Variants in MCF2L observed in about 807,000 individuals in gnomAD.
The protein encoded by MCF2L is MCF.2 cell line derived transforming sequence like, also known as guanine nucleotide exchange factor DBS.
Under a neutral mutation model 153.4 loss-of-function variants are expected in MCF2L, and 97 were observed. The ratio of observed to expected loss-of-function variants is 0.63; its 90% CI spans 0.54 to 0.75. The LOEUF (loss-of-function observed/expected upper bound fraction) is 0.75, where lower values mean the gene tolerates loss of function less well. Among genes scored for constraint, MCF2L ranks in the 30% least tolerant of loss-of-function variants. The pLI is 0.00. For synonymous variants in MCF2L, 659 were observed against 632.2 expected (o/e 1.04, Z -0.64); for missense variants, 1,347 against 1,495.2 (o/e 0.90, Z 1.64).
chr13:113,077,012 C>T (rs2033563320), intron 12 of MCF2L, 40 bp from the exon 13 acceptor site: 2 of 1,575,934 alleles, frequency 1.3e-6, no homozygotes, highest in African/African-American at 1.4e-5. Context: ...AGTGATGACA[C>T]CAACATGTGC....
intron 2 of MCF2L, among the ~76,000 whole-genome samples, chr13:112,962,294 T>C (rs36145949): frequency 0.65 from 98,831 of 151,444 alleles, 32,520 homozygotes; most frequent in Non-Finnish European, 0.71. Context: ...CACACGCATG[T>C]ACACACACTC....
At chr13:113,096,335 C>T in intron 27 of MCF2L, 36 bp from the exon 28 acceptor site, 1 of 1,480,748 alleles carries the variant, frequency 6.8e-7, no homozygotes, top group Non-Finnish European at 9.2e-7. Flanking sequence ...GGGGCGGGTG[C>T]TGACGCTGTC....
rs531581867 is a variant in MCF2L at position 113,091,047 on chromosome 13, A to G, written c.2953+1319A>G. 2.4e-4 allele frequency: 316 copies of G among 1,296,200 alleles called. 2 individuals are homozygous for G. In the South Asian group the frequency reaches 3.8e-3, roughly 15 times the overall value. 80.3% of individuals were successfully genotyped at this position (1,296,200 alleles called of 1,614,324 possible). ...TCCCCTTCCAGCACGAGCGCGGGTC[A>G]GCCTCCTCGCCGCCTCCCTCCGTCC... On this transcript the variant is annotated intron_variant, in intron 26 of 29. Coordinates refer to ENST00000535094, the MANE Select transcript of MCF2L (RefSeq NM_001112732.3).
upstream of MCF2L, among the ~76,000 whole-genome samples, chr13:112,966,394 T>C (rs550240666): frequency 2.6e-5 from 4 of 152,258 alleles, no homozygotes; most frequent in African/African-American, 9.6e-5. This position sits in a 1 kb window ranked among gnomAD's most constrained non-coding sequence, Gnocchi z 4.1. Context: ...TCAGGGAACC[T>C]CTGTCTTTTT....
At chr13:113,095,518 G>C (rs1375096911) in intron 27 of MCF2L, 42 of 1,044,392 alleles carry the variant, frequency 4.0e-5, no homozygotes, top group Non-Finnish European at 4.6e-5. Flanking sequence ...TGTGGGGAGT[G>C]ATCCTGGCTA....
chr13:113,094,421 G>C lies in MCF2L; in HGVS notation c.2954-93G>C, dbSNP rs1204742536. 5.9e-6 allele frequency: 8 copies of C among 1,358,698 alleles called. No homozygotes were observed. The African/African-American group carries it at 8.8e-5, about 15-fold the overall frequency. 84.2% of individuals were successfully genotyped at this position (1,358,698 alleles called of 1,614,324 possible). A position where few individuals can be genotyped will look rare whatever the true frequency, so the allele number is the denominator to read the frequency against. On this transcript the variant is annotated intron_variant, in intron 26 of 29. Transcript: ENST00000535094. ...TTGGGGGCCCACGGCACACATTTCA[G>C]GGGGTCTGTGGGACTTAGCTGACCC...
intron 3 of MCF2L, among the ~76,000 whole-genome samples, chr13:113,026,238 C>T (rs80003864): frequency 0.032 from 1,258 of 38,988 alleles, no homozygotes; most frequent in East Asian, 0.15. Flanking sequence ...GCTGGGGTCC[C>T]CGTGACTGTG....
intron 1 of MCF2L, among the ~76,000 whole-genome samples, chr13:112,973,704 T>A (rs893317401): frequency 6.6e-6 from 1 of 152,130 alleles, no homozygotes; most frequent in Non-Finnish European, 1.5e-5. Flanking sequence ...GGGTTTCAGT[T>A]CCGGCCTGCT....
intron 16 of MCF2L, 84 bp downstream of exon 16, chr13:113,081,363 G>T (rs1408224383): frequency 7.6e-7 from 1 of 1,310,360 alleles, no homozygotes; most frequent in Non-Finnish European, 1.1e-6. Context: ...ACTGCTGCTC[G>T]GAGCAGCCTG....
intron 2 of MCF2L, among the ~76,000 whole-genome samples, chr13:112,940,697 T>C (rs1369781564): frequency 6.6e-6 from 1 of 152,262 alleles, no homozygotes; most frequent in Non-Finnish European, 1.5e-5. Flanking sequence ...ATCTTCTGTA[T>C]AGCTTTATGT....
chr13:113,044,832 G>C (rs765857841), intron 3 of MCF2L: 6 of 1,612,924 alleles, frequency 3.7e-6, no homozygotes, highest in Non-Finnish European at 5.1e-6. Flanking sequence ...ATGCCACCAC[G>C]AGTGAATCCT....
At chr13:112,937,785 AGC>A (rs2081529971) in intron 2 of MCF2L, among the ~76,000 whole-genome samples, 29 of 149,984 alleles carry the variant, frequency 1.9e-4, no homozygotes, top group Middle Eastern at 3.4e-3. Context: ...GGTTCAGGTG[AGC>A]ACTGATAAGT....
intron 26 of MCF2L, 41 bp from the exon 27 acceptor site, chr13:113,094,471 GCT>G (rs1338478121): frequency 4.4e-6 from 7 of 1,577,014 alleles, no homozygotes; most frequent in Non-Finnish European, 6.0e-6. Flanking sequence ...GCAGACAGCG[GCT>G]CATCACCGGG....
intron 2 of MCF2L, among the ~76,000 whole-genome samples, chr13:112,913,098 T>C (rs749694408): frequency 4.0e-5 from 6 of 151,422 alleles, no homozygotes; most frequent in Non-Finnish European, 8.8e-5. Flanking sequence ...GTGTGGTCTA[T>C]TTCTGTGTCT....
chr13:113,013,783 C>T (rs1379392816), intron 1 of MCF2L, among the ~76,000 whole-genome samples: 1 of 152,222 alleles, frequency 6.6e-6, no homozygotes, highest in Admixed American at 6.5e-5. Flanking sequence ...GGCCAGAAAT[C>T]GTGTCTGCTC....
At chr13:112,936,503 A>G (rs555926559) in intron 2 of MCF2L, among the ~76,000 whole-genome samples, 1 of 152,266 alleles carries the variant, frequency 6.6e-6, no homozygotes, top group African/African-American at 2.4e-5. Flanking sequence ...AATGCTGGTT[A>G]TTTGGGAAAA....
chr13:113,088,609 C>T lies in MCF2L; in HGVS notation c.2815C>T (p.Pro939Ser). 6.2e-7 allele frequency: 1 copy of T among 1,608,066 alleles called. No individual in the cohort carries two copies. The highest frequency in any genetic ancestry group is 8.5e-7 in the Non-Finnish European group (1 of 1,179,828). Residue 939 changes from proline (P) to serine (S), a missense_variant, in exon 25 of 30, where the codon CCG becomes TCG. By Grantham distance (74) the Pro-to-Ser change is moderately conservative (BLOSUM62 -1). Around this residue, in one of 3 missense-constraint regions of MCF2L, gnomAD observed 383 missense variants for 335.4 expected, o/e 1.14. Coordinates refer to ENST00000535094, the MANE Select transcript of MCF2L (RefSeq NM_001112732.3). The part of the protein sequence containing the change: ...ALEQSQSLPL[P>S]APTSTSPSRG... ...GGAGCAGTCACAGAGCCTGCCCCTG[C>T]CGGCCCCGACCAGCACCAGGTGAGA...
chr13:112,994,706 C>T (rs994721938), intron 1 of MCF2L, among the ~76,000 whole-genome samples: 4 of 152,174 alleles, frequency 2.6e-5, no homozygotes, highest in Non-Finnish European at 5.9e-5. Flanking sequence ...GAGGGTGGGG[C>T]ATCCTCCCGG....
At chr13:112,949,957 T>C (rs1001352926) in intron 2 of MCF2L, among the ~76,000 whole-genome samples, 3 of 150,542 alleles carry the variant, frequency 2.0e-5, no homozygotes, top group Non-Finnish European at 2.9e-5. Flanking sequence ...AAACAGTCTC[T>C]GGTTACAGAT....
Sources: gnomAD v4.1 joint callset for allele counts (sites outside exome capture counted in the v4.1 genomes callset) on GRCh38, gnomAD v4.1.1 for gene constraint, gnomAD v4.1.1 regional missense constraint, Gnocchi (gnomAD v3.1) non-coding constraint, MANE v1.5 for transcripts, NCBI Gene and HGNC (gene_info 2026-07-23, HGNC 2026-07-21) for gene names.